The following ANKEF1 variants were observed in gnomAD, a reference collection of about 807,000 sequenced individuals.
ANKEF1 encodes the protein ankyrin repeat and EF-hand domain-containing protein 1.
A neutral mutation model predicts 65.1 loss-of-function variants in ANKEF1; 43 were observed. The ratio of observed to expected loss-of-function variants is 0.66; its 90% CI spans 0.52 to 0.85. The LOEUF (loss-of-function observed/expected upper bound fraction) is 0.85, where lower values mean the gene tolerates loss of function less well. Among genes scored for constraint, ANKEF1 ranks in the 40% least tolerant of loss-of-function variants. The probability of loss-of-function intolerance (pLI) is 0.00; values close to 1 mark genes in which losing one functional copy is unlikely to be tolerated. For missense variants in ANKEF1, 934 were observed against 952.9 expected, an observed-to-expected ratio of 0.98 and a Z score of 0.26; for synonymous variants, 316 against 341.5, an observed-to-expected ratio of 0.93 and a Z score of 0.82.
chr20:10,043,372 G>C, intron 4 of ANKEF1, 51 bp downstream of exon 4: 1 of 1,524,626 alleles, frequency 6.6e-7, no homozygotes, highest in Non-Finnish European at 9.1e-7. Flanking sequence ...TTACAGCATA[G>C]TATAATCTTT....
rs140725218 is a variant in ANKEF1 at position 10,050,056 on chromosome 20, T to A, written c.1487T>A (p.Ile496Asn). The change falls in exon 7 of 11, where the codon ATT (isoleucine) becomes AAT (asparagine). Residue 496 changes from isoleucine (I) to asparagine (N), a missense_variant. Ile to Asn is a moderately radical substitution (Grantham distance 149, BLOSUM62 -3). Transcript: ENST00000378392. ...GATTCAGAGAAGGTATTTTCAAACA[T>A]TAATATTATCACCAAAGCAGGGGAT... is the stretch of plus-strand genomic sequence containing the variant. ...IDDSEKVFSN[I>N]NIITKAGDLA... is the part of the protein sequence containing the mutation. 2.4e-5 allele frequency: 39 copies of A among 1,614,016 alleles called. No homozygotes were observed. The Middle Eastern group carries it at 1.5e-3, about 61-fold the overall frequency.
rs763619763 is a variant in ANKEF1 at position 10,049,411 on chromosome 20, A to C, written c.842A>C (p.Asn281Thr). ...TTAGGATGTGACCTGAAATGGAAGAATTTAGATCATAAAACGCCCAGGGCT... is the reference window on the plus strand; with the variant it reads ...TTAGGATGTGACCTGAAATGGAAGACTTTAGATCATAAAACGCCCAGGGCT... ...AQRGCDLKWK[N>T]LDHKTPRAVA... Residue 281 changes from asparagine (N) to threonine (T), a missense_variant, in exon 7 of 11, where the codon AAT becomes ACT. Transcript: ENST00000378392. The C allele has an allele frequency of 6.2e-7, 1 of 1,612,166 alleles. No individual in the cohort carries two copies. The highest frequency in any genetic ancestry group is 1.7e-5 in the Admixed American group (1 of 59,492).
At chr20:10,038,761 G>A (rs6087109) in intron 3 of ANKEF1, 114 bp downstream of exon 3, 9 of 825,542 alleles carry the variant, frequency 1.1e-5, no homozygotes, top group Non-Finnish European at 1.5e-5. Flanking sequence ...ATGGTTTTAA[G>A]GGAAAGGCTA....
chr20:10,036,782 C>T (rs551627582), intron 2 of ANKEF1, among the ~76,000 whole-genome samples: 2 of 152,210 alleles, frequency 1.3e-5, no homozygotes, highest in South Asian at 4.1e-4. Flanking sequence ...GTGGAGGTTG[C>T]AGTGAGCCGA....
chr20:10,048,593 T>C (rs1984654909), intron 6 of ANKEF1, among the ~76,000 whole-genome samples: 1 of 152,192 alleles, frequency 6.6e-6, no homozygotes, highest in Non-Finnish European at 1.5e-5. Context: ...ATGGTCTGAC[T>C]GCTTCTTCAA....
chr20:10,045,531 G>A (rs1448366333), intron 5 of ANKEF1, 43 bp from the exon 6 acceptor site: 1 of 1,597,892 alleles, frequency 6.3e-7, no homozygotes, highest in African/African-American at 1.3e-5. Flanking sequence ...TATAGTAAAT[G>A]TACATTCCTA....
In ANKEF1 at chr20:10,049,441, C is replaced by G. The variant is rs1411862908; in HGVS notation, c.872C>G (p.Ala291Gly). The G allele has an allele frequency of 6.2e-7, 1 of 1,614,098 alleles. No homozygotes were observed. Among genetic ancestry groups the G allele is most frequent in the South Asian group, 1.1e-5 (1 of 91,072 alleles). ...NLDHKTPRAV[A>G]KEGGFKAASK... ...GATCATAAAACGCCCAGGGCTGTGG[C>G]TAAGGAAGGCGGCTTCAAAGCAGCA... Residue 291 changes from alanine (A) to glycine (G), a missense_variant, in exon 7 of 11, where the codon GCT (alanine) becomes GGT (glycine). Coordinates refer to ENST00000378392, the MANE Select transcript of ANKEF1 (RefSeq NM_022096.6).
intron 5 of ANKEF1, among the ~76,000 whole-genome samples, chr20:10,045,034 A>T (rs1374574302): frequency 6.6e-6 from 1 of 152,256 alleles, no homozygotes; most frequent in African/African-American, 2.4e-5. Flanking sequence ...GAAACAAAAT[A>T]AAAACACTAT....
intron 7 of ANKEF1, 103 bp from the exon 8 acceptor site, chr20:10,051,560 A>G: frequency 1.1e-6 from 1 of 876,218 alleles, no homozygotes; most frequent in Non-Finnish European, 1.7e-6. Flanking sequence ...AAAGTTTACA[A>G]TTTAGCAACT....
chr20:10,040,341 G>C (rs1984108667), intron 3 of ANKEF1, among the ~76,000 whole-genome samples: 1 of 152,132 alleles, frequency 6.6e-6, no homozygotes, highest in Admixed American at 6.6e-5. Flanking sequence ...CCTATTTTCT[G>C]GTGACTCATG....
chr20:10,049,427 G>T lies in ANKEF1; in HGVS notation c.858G>T (p.Thr286=). 1 of 1,613,810 alleles carries T rather than the reference G, an allele frequency of 6.2e-7. No individual in the cohort carries two copies. The highest frequency in any genetic ancestry group is 8.5e-7 in the Non-Finnish European group (1 of 1,179,920). ...AATGGAAGAATTTAGATCATAAAAC[G>T]CCCAGGGCTGTGGCTAAGGAAGGCG... ...DLKWKNLDHK[T]PRAVAKEGGF... Residue 286 remains threonine (T), a synonymous_variant, in exon 7 of 11, where the codon ACG becomes ACT. Coordinates refer to ENST00000378392, the MANE Select transcript of ANKEF1 (RefSeq NM_022096.6).
At position 10,038,347 on chromosome 20, in the gene ANKEF1, G is replaced by A. The variant is rs781157807; in HGVS notation, c.46G>A (p.Val16Ile). 1 of 1,600,626 alleles carries A rather than the reference G, an allele frequency of 6.2e-7. No homozygotes were observed. Among genetic ancestry groups the A allele is most frequent in the South Asian group, 1.1e-5 (1 of 88,916 alleles). Residue 16 changes from valine (V) to isoleucine (I), a missense_variant, in exon 3 of 11, where the codon GTT becomes ATT. Transcript: ENST00000378392. ...ACTTGAGAACTTACAGATCTACAAA[G>A]TTCTTCAATGTGTGCGGAACAAAGA... The part of the protein sequence containing the change: ...KRLENLQIYK[V>I]LQCVRNKDKK...
intron 2 of ANKEF1, among the ~76,000 whole-genome samples, 166 bp downstream of exon 2, chr20:10,035,808 C>T (rs918300310): frequency 6.6e-6 from 1 of 152,210 alleles, no homozygotes; most frequent in Non-Finnish European, 1.5e-5. Flanking sequence ...CACAGCCCCC[C>T]TTTGAGAGTT....
Position 10,055,632 on chromosome 20 carries a change from G to T in ANKEF1, c.2303G>T (p.Arg768Leu), listed in dbSNP as rs749900173. ...PFQKNITEKA[R>L]ALEAALKT ...CAGAAGAACATCACAGAGAAAGCTC[G>T]AGCACTGGAAGCTGCCTTGAAGACC... The change falls in exon 11 of 11, where the codon CGA (arginine) becomes CTA (leucine). Residue 768 changes from arginine (R) to leucine (L), a missense_variant. Transcript: ENST00000378392. The T allele has an allele frequency of 1.9e-6, 3 of 1,613,622 alleles. No individual in the cohort carries two copies. Among genetic ancestry groups the T allele is most frequent in the Non-Finnish European group, 2.5e-6 (3 of 1,179,790 alleles).
rs781496814 is a variant in ANKEF1 at position 10,049,582 on chromosome 20, C to T, written c.1013C>T (p.Ala338Val). The T allele has an allele frequency of 6.2e-7, 1 of 1,614,116 alleles. No homozygotes were observed. The highest frequency in any genetic ancestry group is 8.5e-7 in the Non-Finnish European group (1 of 1,180,020). Residue 338 changes from alanine to valine, a missense_variant, in exon 7 of 11, where the codon GCT (alanine) becomes GTT (valine). Coordinates refer to ENST00000378392, the MANE Select transcript of ANKEF1 (RefSeq NM_022096.6). ...RLHDWSVERE[A>V]FLREAFAVLD... is the part of the protein sequence containing the mutation. ...CACGATTGGTCCGTAGAACGTGAGG[C>T]TTTCCTCCGGGAAGCCTTTGCGGTT...
intron 7 of ANKEF1, 131 bp from the exon 8 acceptor site, chr20:10,051,532 G>A: frequency 1.5e-6 from 1 of 685,136 alleles, no homozygotes; most frequent in South Asian, 2.0e-5. Flanking sequence ...AAAGAGGTTT[G>A]AAGAAAAATT....
In ANKEF1 at chr20:10,057,065, T is replaced by C. The variant is rs1482553981; in HGVS notation, c.*1405T>C. On this transcript the variant is annotated 3_prime_UTR_variant, in exon 11 of 11. Transcript: ENST00000378392. ...GTACCGAACAGGAGCTCCAAAAATA[T>C]CCAACGTCTCATTGACAGAAAGAAG... The C allele has an allele frequency of 6.6e-6, 1 of 152,060 alleles. No individual in the cohort carries two copies. The highest frequency in any genetic ancestry group is 1.9e-4 in the East Asian group (1 of 5,186). The allele number at this position is 152,060 out of a possible 1,614,324, so 9.4% of individuals were successfully genotyped here.
chr20:10,044,396 C>A lies in ANKEF1; in HGVS notation c.549C>A (p.Ser183=). 1 of 1,613,748 alleles carries A rather than the reference C, an allele frequency of 6.2e-7. No homozygotes were observed. The change falls in exon 5 of 11, where the codon TCC becomes TCA. Residue 183 remains serine (S), a splice_region_variant and synonymous_variant. Transcript: ENST00000378392. ...KGANPNAINS[S]TGRTALMEAS... is the part of the protein sequence containing the mutation. ...ATATTGGACTATTTCATGTCCAGTC[C>A]ACAGGCCGCACAGCTTTAATGGAAG...
chr20:10,057,244 A>T lies in ANKEF1; in HGVS notation c.*1584A>T, dbSNP rs1985225726. ...AGCCAGTTAGGGAGGAGAAGGGAAGAGAGAGAATGAAGCAGGTAACCAGGC... is the reference window on the plus strand; with the variant it reads ...AGCCAGTTAGGGAGGAGAAGGGAAGTGAGAGAATGAAGCAGGTAACCAGGC... On this transcript the variant is annotated 3_prime_UTR_variant, in exon 11 of 11. Coordinates refer to ENST00000378392, the MANE Select transcript of ANKEF1 (RefSeq NM_022096.6). The T allele has an allele frequency of 6.6e-6, 1 of 152,306 alleles. No individual in the cohort carries two copies. The highest frequency in any genetic ancestry group is 6.5e-5 in the Admixed American group (1 of 15,274). The allele number at this position is 152,306 out of a possible 1,614,324, so 9.4% of individuals were successfully genotyped here. A position where few individuals can be genotyped will look rare whatever the true frequency, so the allele number is the denominator to read the frequency against.
Sources: gnomAD v4.1 joint callset for allele counts (sites outside exome capture counted in the v4.1 genomes callset) on GRCh38, gnomAD v4.1.1 for gene constraint, MANE v1.5 for transcripts, NCBI Gene and HGNC (gene_info 2026-07-23, HGNC 2026-07-21) for gene names.